The following PPP1R12B variants were observed in gnomAD, a reference collection of about 807,000 sequenced individuals.
PPP1R12B encodes the protein myosin phosphatase target subunit 2.
Under a neutral mutation model 126.1 loss-of-function variants are expected in PPP1R12B, and 76 were observed. The observed-to-expected ratio is 0.60, with a 90% CI of 0.50 to 0.73. PPP1R12B has a LOEUF of 0.73. Among genes scored for constraint, PPP1R12B ranks in the 30% least tolerant of loss-of-function variants. PPP1R12B has a pLI of 0.00. For missense variants in PPP1R12B, 1,052 were observed against 1,205.1 expected (o/e 0.87, Z 1.88); for synonymous variants, 356 against 434.7 (o/e 0.82, Z 2.25).
chr1:202,455,129 T>C (rs542528686), intron 13 of PPP1R12B, among the ~76,000 whole-genome samples: 4 of 152,112 alleles, frequency 2.6e-5, no homozygotes, highest in African/African-American at 4.8e-5. Flanking sequence ...GCATTGTGAC[T>C]AAGAGTAAAG....
chr1:202,489,557 G>A (rs1214907113), intron 14 of PPP1R12B, among the ~76,000 whole-genome samples: 1 of 152,156 alleles, frequency 6.6e-6, no homozygotes, highest in Non-Finnish European at 1.5e-5. Context: ...GTTACAACAT[G>A]GATGAACCTT....
At chr1:202,430,580 A>AT (rs1491133135) in intron 6 of PPP1R12B, 151 bp from the exon 7 acceptor site, 9 of 665,904 alleles carry the variant, frequency 1.4e-5, no homozygotes, top group Non-Finnish European at 1.9e-5. Flanking sequence ...GACCCAACTG[A>AT]TATGTTTCTC....
chr1:202,549,568 C>T (rs181870111), intron 18 of PPP1R12B, among the ~76,000 whole-genome samples: 88 of 151,854 alleles, frequency 5.8e-4, no homozygotes, highest in Admixed American at 2.4e-3. Context: ...TACAGGTGCC[C>T]GCCACCACAC....
chr1:202,439,482 T>G (rs1470345754), intron 10 of PPP1R12B: 10 of 1,502,920 alleles, frequency 6.7e-6, no homozygotes, highest in Non-Finnish European at 8.2e-6. Context: ...GGGTGCCTGG[T>G]CCAGCCCATG....
intron 1 of PPP1R12B, among the ~76,000 whole-genome samples, chr1:202,393,532 G>A (rs1359998881): frequency 6.6e-6 from 1 of 151,738 alleles, no homozygotes; most frequent in Non-Finnish European, 1.5e-5. Context: ...TTGTAAATGG[G>A]CAAAGCCTTT....
intron 13 of PPP1R12B, among the ~76,000 whole-genome samples, chr1:202,477,376 CA>C (rs1676799120): frequency 6.6e-6 from 1 of 152,142 alleles, no homozygotes; most frequent in Admixed American, 6.5e-5. Context: ...AATTTATCCA[CA>C]ATCACCTACC....
chr1:202,435,510 T>C (rs940928267), intron 9 of PPP1R12B, among the ~76,000 whole-genome samples: 31 of 152,344 alleles, frequency 2.0e-4, no homozygotes, highest in African/African-American at 7.0e-4. Flanking sequence ...TTATATCTTA[T>C]GATGAGTAAA....
At chr1:202,417,319 A>T in intron 2 of PPP1R12B, 1 of 985,342 alleles carries the variant, frequency 1.0e-6, no homozygotes, top group South Asian at 4.7e-5. Flanking sequence ...ACAAATGAAG[A>T]TAAAAAATGC....
At chr1:202,431,699 G>C (rs1399195290) in intron 8 of PPP1R12B, 80 bp downstream of exon 8, 1 of 1,366,260 alleles carries the variant, frequency 7.3e-7, no homozygotes, top group East Asian at 2.5e-5. Context: ...AGCTAGCCAG[G>C]CCTCACAGGA....
At chr1:202,577,082 G>C (rs538107455) in intron 23 of PPP1R12B, 1 of 152,316 alleles carries the variant, frequency 6.6e-6, no homozygotes, top group Admixed American at 6.5e-5. Context: ...GCAGCATTCT[G>C]CTTTCTGAGC....
At chr1:202,464,142 C>T (rs530596081) in intron 13 of PPP1R12B, among the ~76,000 whole-genome samples, 4 of 152,296 alleles carry the variant, frequency 2.6e-5, no homozygotes, top group African/African-American at 7.2e-5. Context: ...AGTATTCTGT[C>T]TTCAGTGTTC....
chr1:202,350,940 GAGA>G (rs574229272), intron 1 of PPP1R12B, among the ~76,000 whole-genome samples: 66 of 152,138 alleles, frequency 4.3e-4, no homozygotes, highest in African/African-American at 1.5e-3. Flanking sequence ...ATTGAAATAA[GAGA>G]AGAAGGGGAT....
chr1:202,583,093 T>TAA lies in PPP1R12B; in HGVS notation c.*2534_*2535dup, dbSNP rs1689640947. ...CTCAGGGAATGCTAAATTAGAGTAA[T>TAA]AAGTTTTATATCCTTCATTCTGGGA... is the stretch of plus-strand genomic sequence containing the variant. On this transcript the variant is annotated 3_prime_UTR_variant, in exon 24 of 24. Coordinates refer to ENST00000608999, the MANE Select transcript of PPP1R12B (RefSeq NM_002481.4). 1 of 152,196 alleles carries TAA rather than the reference T, an allele frequency of 6.6e-6. No homozygotes were observed. Among genetic ancestry groups the TAA allele is most frequent in the South Asian group, 2.1e-4 (1 of 4,828 alleles). The allele number at this position is 152,196 out of a possible 1,614,324, so 9.4% of individuals were successfully genotyped here.
chr1:202,367,518 A>T (rs1659447375), intron 1 of PPP1R12B, among the ~76,000 whole-genome samples: 1 of 152,164 alleles, frequency 6.6e-6, no homozygotes, highest in Admixed American at 6.6e-5. Flanking sequence ...CAGTCACATT[A>T]GTGTCCTCCT....
At position 202,552,097 on chromosome 1, in the gene PPP1R12B, T is replaced by G. The variant is rs182113957; in HGVS notation, c.2491-6780T>G. ...GGTTTTAAGCCACTAAATTTTGTTT[T>G]GGCAGCAATAGAAAACTAATGAAAT... On this transcript the variant is annotated intron_variant, in intron 18 of 23. Transcript: ENST00000608999. 1.0e-3 allele frequency among the ~76,000 whole-genome samples: 158 copies of G among 152,372 alleles called. 1 individual carries two copies. The highest frequency in any genetic ancestry group is 1.5e-3 in the Non-Finnish European group (102 of 68,034).
intron 1 of PPP1R12B, among the ~76,000 whole-genome samples, chr1:202,379,603 G>A (rs1345547479): frequency 4.6e-5 from 7 of 152,060 alleles, no homozygotes; most frequent in Non-Finnish European, 1.0e-4. Flanking sequence ...GTACATAGTA[G>A]GTATTTTTAA....
chr1:202,588,870 G>GATAGATAA lies in PPP1R12B; in HGVS notation c.*8313_*8314insGATAAATA, dbSNP rs939627461. On this transcript the variant is annotated 3_prime_UTR_variant, in exon 24 of 24. Transcript: ENST00000608999. ...AGATAGATAGATAGATAGATAGATA[G>GATAGATAA]ATATCAAGGTTCCAAGCTTCAAGTA... 1 of 141,462 alleles carries GATAGATAA rather than the reference G, an allele frequency of 7.1e-6. No homozygotes were observed. Among genetic ancestry groups the GATAGATAA allele is most frequent in the Non-Finnish European group, 1.5e-5 (1 of 66,740 alleles). The allele number at this position is 141,462 out of a possible 1,614,324, so 8.8% of individuals were successfully genotyped here. A position where few individuals can be genotyped will look rare whatever the true frequency, so the allele number is the denominator to read the frequency against.
intron 14 of PPP1R12B, among the ~76,000 whole-genome samples, chr1:202,489,835 A>T (rs1678636819): frequency 6.6e-6 from 1 of 152,220 alleles, no homozygotes; most frequent in African/African-American, 2.4e-5. Flanking sequence ...GAGGTTTATG[A>T]TATGAGGATT....
intron 13 of PPP1R12B, among the ~76,000 whole-genome samples, chr1:202,475,502 A>C (rs1361208749): frequency 1.3e-5 from 2 of 152,218 alleles, no homozygotes; most frequent in Non-Finnish European, 2.9e-5. Flanking sequence ...GTCTTGCTAC[A>C]TAAATCTACA....
Sources: gnomAD v4.1 joint callset for allele counts (sites outside exome capture counted in the v4.1 genomes callset) on GRCh38, gnomAD v4.1.1 for gene constraint, MANE v1.5 for transcripts, NCBI Gene and HGNC (gene_info 2026-07-23, HGNC 2026-07-21) for gene names.